The following RNF213 variants were observed in gnomAD, a reference collection of about 807,000 sequenced individuals.
RNF213 encodes the protein E3 ubiquitin-protein ligase RNF213.
In RNF213, 341 loss-of-function variants were observed where a neutral mutation model predicts 514.4. The ratio of observed to expected loss-of-function variants is 0.66; its 90% CI spans 0.61 to 0.73. The LOEUF (loss-of-function observed/expected upper bound fraction) is 0.73, where lower values mean the gene tolerates loss of function less well. RNF213 is among the 30% of genes least tolerant of loss of function. The probability of loss-of-function intolerance (pLI) is 0.00; values close to 1 mark genes in which losing one functional copy is unlikely to be tolerated. For synonymous variants in RNF213, 2,655 were observed against 2,658.2 expected (o/e 1.00, Z 0.04); for missense variants, 5,767 against 6,615.6 (o/e 0.87, Z 4.45).
In RNF213 at chr17:80,290,620, C is replaced by G; in HGVS notation, c.1163C>G (p.Ser388Cys). ...ACCGTGTTCTTCCACGCCATCATCT[C>G]TCTTCATTTCCCATTCAATCCTGAC... is the stretch of plus-strand genomic sequence containing the variant. ...GVTVFFHAII[S>C]LHFPFNPDLH... Residue 388 changes from serine (S) to cysteine (C), a missense_variant, in exon 7 of 68, where the codon TCT (serine) becomes TGT (cysteine). Transcript: ENST00000582970. The G allele has an allele frequency of 1.9e-6, 3 of 1,614,170 alleles. No homozygotes were observed. The highest frequency in any genetic ancestry group is 2.5e-6 in the Non-Finnish European group (3 of 1,180,040).
At chr17:80,294,354 T>G (rs1466008458) in intron 8 of RNF213, among the ~76,000 whole-genome samples, 7 of 152,168 alleles carry the variant, frequency 4.6e-5, no homozygotes, top group Admixed American at 2.0e-4. Context: ...GGGATGCGGT[T>G]TCTGTATGAC....
intron 14 of RNF213, among the ~76,000 whole-genome samples, chr17:80,310,053 T>A (rs1268545293): frequency 6.6e-6 from 1 of 151,408 alleles, no homozygotes; most frequent in Non-Finnish European, 1.5e-5. Flanking sequence ...ACGCCCAGCC[T>A]CCCATGGATC....
intron 3 of RNF213, among the ~76,000 whole-genome samples, chr17:80,279,707 G>A (rs1390151134): frequency 6.6e-6 from 1 of 151,990 alleles, no homozygotes; most frequent in African/African-American, 2.4e-5. Context: ...GGCCTCAAAT[G>A]ATCCACCCAT....
intron 3 of RNF213, among the ~76,000 whole-genome samples, chr17:80,285,791 C>T (rs1265843959): frequency 6.6e-6 from 1 of 152,078 alleles, no homozygotes; most frequent in East Asian, 1.9e-4. Context: ...CTGCTTCAGC[C>T]TCCCAAGTAG....
At position 80,370,737 on chromosome 17, in the gene RNF213, AGCC is replaced by A. The variant is rs1244210102; in HGVS notation, c.12425+872_12425+874del. 9.2e-5 allele frequency among the ~76,000 whole-genome samples: 14 copies of A among 152,328 alleles called. No individual in the cohort carries two copies. The South Asian group carries it at 2.5e-3, about 27-fold the overall frequency. On this transcript the variant is annotated intron_variant, in intron 46 of 67. Transcript: ENST00000582970. The stretch of plus-strand genomic sequence containing the variant: ...CACTCATGACAAGCCCTGGGTTATC[AGCC>A]GGCTGCTGTGTTCATGGACCGCCAC...
At chr17:80,351,632 TTG>T in intron 31 of RNF213, 51 bp from the exon 32 acceptor site, 6 of 978,784 alleles carry the variant, frequency 6.1e-6, no homozygotes, top group Non-Finnish European at 8.1e-6. Context: ...TTGCTTGTTT[TTG>T]TGTGTGTGTT....
chr17:80,298,625 A>G, intron 11 of RNF213, 107 bp downstream of exon 11: 1 of 1,143,148 alleles, frequency 8.7e-7, no homozygotes, highest in Non-Finnish European at 1.3e-6. Flanking sequence ...CCTGATTCTA[A>G]TGACAGAACT....
In RNF213 at chr17:80,390,004, C is replaced by A; in HGVS notation, c.15286-8C>A. 1 of 1,614,184 alleles carries A rather than the reference C, an allele frequency of 6.2e-7. No individual in the cohort carries two copies. The highest frequency in any genetic ancestry group is 1.1e-5 in the South Asian group (1 of 91,076). On this transcript the variant is annotated splice_polypyrimidine_tract_variant and splice_region_variant and intron_variant, in intron 66 of 67. Transcript: ENST00000582970. ...TTTAATGCTTCATTTGCTCTTCCGT[C>A]GTTTTAGGAGCCATTTGGGGAAATC...
At chr17:80,389,655 A>C (rs1337079836) in intron 65 of RNF213, among the ~76,000 whole-genome samples, 173 bp from the exon 66 acceptor site, 2 of 152,198 alleles carry the variant, frequency 1.3e-5, no homozygotes, top group Non-Finnish European at 2.9e-5. Flanking sequence ...GTGCCGCAGG[A>C]GGGAACTGGT....
At chr17:80,326,142 C>A (rs371927175) in intron 18 of RNF213, among the ~76,000 whole-genome samples, 2 of 151,712 alleles carry the variant, frequency 1.3e-5, no homozygotes, top group East Asian at 3.9e-4. Context: ...AATTTTAAAA[C>A]AAGGTCTTCT....
chr17:80,323,834 T>TCG (rs1555656940), intron 17 of RNF213, among the ~76,000 whole-genome samples: 1 of 134,124 alleles, frequency 7.5e-6, no homozygotes, highest in African/African-American at 2.7e-5. Context: ...TACTTTTTTT[T>TCG]GGGGGGGGGT....
At position 80,298,426 on chromosome 17, in the gene RNF213, G is replaced by A. The variant is rs1348554519; in HGVS notation, c.2118G>A (p.Pro706=). 1.2e-5 allele frequency: 19 copies of A among 1,614,052 alleles called. No individual in the cohort carries two copies. The highest frequency in any genetic ancestry group is 2.2e-5 in the East Asian group (1 of 44,898). ...PVLHCCMELA[P]RHKDAWRQPE... Reference sequence around the variant, plus strand: ...TGCACTGCTGTATGGAGCTGGCCCCGCGGCACAAGGATGCCTGGAGACAGC... The same window carrying A: ...TGCACTGCTGTATGGAGCTGGCCCCACGGCACAAGGATGCCTGGAGACAGC... The change falls in exon 11 of 68, where the codon CCG becomes CCA. Residue 706 remains proline, a synonymous_variant. Coordinates refer to ENST00000582970, the MANE Select transcript of RNF213 (RefSeq NM_001256071.3).
In RNF213 at chr17:80,337,843, A is replaced by G. The variant is rs1340203020; in HGVS notation, c.4679A>G (p.Asp1560Gly). 5.2e-6 allele frequency: 8 copies of G among 1,536,988 alleles called. No homozygotes were observed. The highest frequency in any genetic ancestry group is 2.0e-5 in the Admixed American group (1 of 50,968). The change falls in exon 25 of 68, where the codon GAC becomes GGC. Residue 1560 changes from aspartate to glycine, a missense_variant. Physicochemically the swap from Asp to Gly is moderately conservative, Grantham distance 94. Around this residue, in one of 13 missense-constraint regions of RNF213, gnomAD observed 1,377 missense variants for 1,635.2 expected, o/e 0.84. Coordinates refer to ENST00000582970, the MANE Select transcript of RNF213 (RefSeq NM_001256071.3). ...CTATGCTCTTCACAGATTTCCCCAG[A>G]CACGGTTCTGCACTTGATCCTTCCT... is the stretch of plus-strand genomic sequence containing the variant. ...APKGGQKISP[D>G]TVLHLILPES...
At position 80,288,501 on chromosome 17, in the gene RNF213, G is replaced by A; in HGVS notation, c.811-132G>A. 1.2e-6 allele frequency: 2 copies of A among 1,600,016 alleles called. No homozygotes were observed. Among genetic ancestry groups the A allele is most frequent in the Admixed American group, 1.7e-5 (1 of 60,002 alleles). On this transcript the variant is annotated intron_variant, in intron 4 of 67. Transcript: ENST00000582970. The surrounding 1 kb of genome is among the most constrained non-coding windows in gnomAD (Gnocchi z 4.9). Reference sequence around the variant, plus strand: ...CCTGCTCCCTGGGTGGGAGTCGGAGGGCTGCCCCTCCACTGGGGATGCCAG... The same window carrying A: ...CCTGCTCCCTGGGTGGGAGTCGGAGAGCTGCCCCTCCACTGGGGATGCCAG...
chr17:80,382,362 T>G (rs913149066), intron 57 of RNF213: 2 of 156,638 alleles, frequency 1.3e-5, no homozygotes, highest in African/African-American at 4.8e-5. Flanking sequence ...AAAATCACAA[T>G]GACCATTGTG....
intron 32 of RNF213, 93 bp downstream of exon 32, chr17:80,351,896 C>T: frequency 2.7e-6 from 2 of 752,214 alleles, no homozygotes; most frequent in African/African-American, 1.8e-5. Flanking sequence ...TGCTCTGTCA[C>T]CAGGCTGGAG....
At chr17:80,325,388 T>C (rs1178404546) in intron 18 of RNF213, among the ~76,000 whole-genome samples, 190 bp downstream of exon 18, 3 of 152,120 alleles carry the variant, frequency 2.0e-5, no homozygotes, top group Admixed American at 2.0e-4. Flanking sequence ...TAATAACTAA[T>C]GCTAACAGCC....
At chr17:80,323,979 G>A (rs7225029) in intron 17 of RNF213, among the ~76,000 whole-genome samples, 15,502 of 148,442 alleles carry the variant, frequency 0.1, 1,109 homozygotes, top group African/African-American at 0.21. Context: ...TTGTGTGTGC[G>A]TGTGTGTGTG....
chr17:80,289,836 A>G lies in RNF213; in HGVS notation c.1111A>G (p.Ser371Gly), dbSNP rs753072619. ...AGCAGATGTCCAGGAAGTGAAGGCA[A>G]GGTAGGGATGCCCCCGCAGGGGAGC... Reference protein sequence around the residue: ...QEADVQEVKASTLSPGGGVTV... With the variant: ...QEADVQEVKAGTLSPGGGVTV... Residue 371 changes from serine to glycine, a missense_variant and splice_region_variant, in exon 6 of 68, where the codon AGC (serine) becomes GGC (glycine). Physicochemically the swap from Ser to Gly is moderately conservative, Grantham distance 56. This residue lies in a region of RNF213 where 509 missense variants were observed against 496.7 expected (regional missense o/e 1.02). Coordinates refer to ENST00000582970, the MANE Select transcript of RNF213 (RefSeq NM_001256071.3). The G allele has an allele frequency of 1.2e-6, 2 of 1,607,926 alleles. No homozygotes were observed. Among genetic ancestry groups the G allele is most frequent in the Admixed American group, 3.4e-5 (2 of 58,930 alleles).
Sources: gnomAD v4.1 joint callset for allele counts (sites outside exome capture counted in the v4.1 genomes callset) on GRCh38, gnomAD v4.1.1 for gene constraint, gnomAD v4.1.1 regional missense constraint, Gnocchi (gnomAD v3.1) non-coding constraint, MANE v1.5 for transcripts, NCBI Gene and HGNC (gene_info 2026-07-23, HGNC 2026-07-21) for gene names.